DIP2C: variants seen among roughly 807,000 people sequenced by gnomAD.
DIP2C encodes disco-interacting protein 2 homolog C.
DIP2C carries 33 observed loss-of-function variants against 192.4 expected under a neutral mutation model. That is an observed-to-expected ratio of 0.17 (90% CI 0.13 to 0.23). The LOEUF is 0.23. DIP2C is among the 10% of genes least tolerant of loss of function. DIP2C has a pLI of 1.00. For synonymous variants in DIP2C, 979 were observed against 864.1 expected, an observed-to-expected ratio of 1.13 and a Z score of -2.33; for missense variants, 1,537 against 2,110.1, an observed-to-expected ratio of 0.73 and a Z score of 5.32.
intron 1 of DIP2C, among the ~76,000 whole-genome samples, chr10:619,425 T>TA (rs1194624458): frequency 6.6e-6 from 1 of 151,342 alleles, no homozygotes; most frequent in Non-Finnish European, 1.5e-5. Context: ...CCCCTGGTCC[T>TA]TATGGCACCC....
At chr10:659,127 C>T (rs1176211407) in intron 1 of DIP2C, among the ~76,000 whole-genome samples, 2 of 152,202 alleles carry the variant, frequency 1.3e-5, no homozygotes, top group Non-Finnish European at 2.9e-5. Flanking sequence ...TACATTCTGG[C>T]ACACACAAAC....
intron 1 of DIP2C, among the ~76,000 whole-genome samples, chr10:510,188 C>T (rs1372898266): frequency 1.3e-5 from 2 of 152,228 alleles, no homozygotes; most frequent in Non-Finnish European, 2.9e-5. Flanking sequence ...CCCCACTTTA[C>T]ACTCATTGGT....
At chr10:604,256 T>C (rs572147803) in intron 1 of DIP2C, among the ~76,000 whole-genome samples, 2 of 152,164 alleles carry the variant, frequency 1.3e-5, no homozygotes, top group African/African-American at 2.4e-5. Flanking sequence ...AAGTCCATTA[T>C]AATGACGTAA....
chr10:417,642 GCCTCCCTGTC>G (rs1965754520), intron 6 of DIP2C, among the ~76,000 whole-genome samples: 1 of 14,338 alleles, frequency 7.0e-5, no homozygotes, highest in African/African-American at 1.6e-4. Flanking sequence ...GCTCGGATAG[GCCTCCCTGTC>G]CACCTGTTCC....
Position 455,107 on chromosome 10 carries a change from C to T in DIP2C, c.269-14111G>A, listed in dbSNP as rs188342430. The stretch of plus-strand genomic sequence containing the variant: ...AGAGAATGTTCCTCCAAGGTAGATA[C>T]GTGGCTTCACAGCAGCAGAGCAGGA... On this transcript the variant is annotated intron_variant, in intron 3 of 36. Transcript: ENST00000280886. Among the ~76,000 whole-genome samples, 40 of 152,298 alleles carry T rather than the reference C, an allele frequency of 2.6e-4. 1 individual carries two copies. Among genetic ancestry groups the T allele is most frequent in the Admixed American group, 8.5e-4 (13 of 15,288 alleles).
At chr10:598,100 A>G (rs908647798) in intron 1 of DIP2C, among the ~76,000 whole-genome samples, 1 of 152,214 alleles carries the variant, frequency 6.6e-6, no homozygotes, top group Admixed American at 6.5e-5. Flanking sequence ...ACGCGTGGAC[A>G]AGGCTGATGG....
chr10:583,631 T>G (rs1262262864), intron 1 of DIP2C, among the ~76,000 whole-genome samples: 1 of 152,202 alleles, frequency 6.6e-6, no homozygotes, highest in Non-Finnish European at 1.5e-5. Context: ...CTCCCGAGAC[T>G]GTGCTGAAAC....
intron 6 of DIP2C, 36 bp from the exon 7 acceptor site, chr10:415,924 C>A (rs1365662244): frequency 1.2e-6 from 2 of 1,612,640 alleles, no homozygotes; most frequent in Non-Finnish European, 1.7e-6. Context: ...GGAAAGCGAT[C>A]ATCACAGCTT....
intron 6 of DIP2C, among the ~76,000 whole-genome samples, chr10:417,605 CAT>C (rs1564684161): frequency 5.3e-4 from 79 of 150,294 alleles, no homozygotes; most frequent in Middle Eastern, 3.4e-3. Context: ...CTAGGATAGG[CAT>C]CCCTGTCTGC....
At chr10:683,223 C>A (rs1831193802) in intron 1 of DIP2C, among the ~76,000 whole-genome samples, 1 of 152,226 alleles carries the variant, frequency 6.6e-6, no homozygotes, top group East Asian at 1.9e-4. Context: ...AACTCCCCTA[C>A]TGGATATTGA....
At chr10:613,122 T>C (rs1225034759) in intron 1 of DIP2C, among the ~76,000 whole-genome samples, 5 of 152,174 alleles carry the variant, frequency 3.3e-5, no homozygotes, top group South Asian at 4.1e-4. Context: ...CTGCCTCGTC[T>C]GCAAAAAACA....
At chr10:580,008 A>G (rs1294646054) in intron 1 of DIP2C, among the ~76,000 whole-genome samples, 1 of 152,142 alleles carries the variant, frequency 6.6e-6, no homozygotes, top group Admixed American at 6.5e-5. Flanking sequence ...ACATGTATGT[A>G]CATGAATAGC....
At chr10:578,018 A>G (rs1424922386) in intron 1 of DIP2C, among the ~76,000 whole-genome samples, 1 of 152,246 alleles carries the variant, frequency 6.6e-6, no homozygotes, top group Middle Eastern at 3.4e-3. Context: ...ACTAAGTACT[A>G]ATTTTAAAAA....
At chr10:658,356 C>CCTGGACCTGCGG (rs1564315590) in intron 1 of DIP2C, among the ~76,000 whole-genome samples, 1 of 144,302 alleles carries the variant, frequency 6.9e-6, no homozygotes, top group African/African-American at 2.5e-5. Context: ...TGGACCTGCC[C>CCTGGACCTGCGG]CTGGACCTGC....
intron 2 of DIP2C, among the ~76,000 whole-genome samples, chr10:486,173 G>A (rs927765686): frequency 3.9e-5 from 6 of 152,178 alleles, no homozygotes; most frequent in African/African-American, 1.2e-4. Flanking sequence ...AATCACTAAT[G>A]CACTCATATT....
chr10:422,761 G>A (rs756674233), intron 5 of DIP2C, 63 bp downstream of exon 5: 23 of 1,535,122 alleles, frequency 1.5e-5, no homozygotes, highest in Non-Finnish European at 2.0e-5. Context: ...TGCAAACAGA[G>A]AATGTGCACA....
At chr10:626,969 C>T (rs766638270) in intron 1 of DIP2C, among the ~76,000 whole-genome samples, 19 of 152,254 alleles carry the variant, frequency 1.2e-4, no homozygotes, top group African/African-American at 1.7e-4. Flanking sequence ...TTACTCCTAA[C>T]GCAGTATCAG....
In DIP2C at chr10:483,549, C is replaced by T. The variant is rs1028329876; in HGVS notation, c.157+2910G>A. Among the ~76,000 whole-genome samples, 3 of 152,204 alleles carry T rather than the reference C, an allele frequency of 2.0e-5. No homozygotes were observed. The South Asian group carries it at 6.2e-4, about 31-fold the overall frequency. On this transcript the variant is annotated intron_variant, in intron 2 of 36. Coordinates refer to ENST00000280886, the MANE Select transcript of DIP2C (RefSeq NM_014974.3). ...GTCTGGTGTCTGGGCCTCAATCAGGCGGCCCGGGCCGTCCTTCTCCTGTTT... is the reference window on the plus strand; with the variant it reads ...GTCTGGTGTCTGGGCCTCAATCAGGTGGCCCGGGCCGTCCTTCTCCTGTTT...
intron 1 of DIP2C, among the ~76,000 whole-genome samples, chr10:558,177 AAAGAC>A (rs1274424786): frequency 4.6e-5 from 7 of 152,166 alleles, no homozygotes; most frequent in South Asian, 2.1e-4. Context: ...TAACTATGAT[AAAGAC>A]TAGACAGCAT....
Sources: gnomAD v4.1 joint callset for allele counts (sites outside exome capture counted in the v4.1 genomes callset) on GRCh38, gnomAD v4.1.1 for gene constraint, MANE v1.5 for transcripts, NCBI Gene and HGNC (gene_info 2026-07-23, HGNC 2026-07-21) for gene names.